RANBP2: variants seen among roughly 807,000 people sequenced by gnomAD.
The protein encoded by RANBP2 is E3 SUMO-protein ligase RanBP2.
Under a neutral mutation model 303.6 loss-of-function variants are expected in RANBP2, and 57 were observed. The ratio of observed to expected loss-of-function variants is 0.19; its 90% CI spans 0.15 to 0.23. The LOEUF (loss-of-function observed/expected upper bound fraction) is 0.23, where lower values mean the gene tolerates loss of function less well. Among genes scored for constraint, RANBP2 ranks in the 10% least tolerant of loss-of-function variants. The pLI, the probability that RANBP2 is intolerant of heterozygous loss-of-function variation, is 1.00. For synonymous variants in RANBP2, 1,167 were observed against 1,301.5 expected, an observed-to-expected ratio of 0.90 and a Z score of 2.23; for missense variants, 3,138 against 3,780.8, an observed-to-expected ratio of 0.83 and a Z score of 4.46.
the RANBP2 span, among the ~76,000 whole-genome samples, chr2:108,955,998 C>T: frequency 6.6e-6 from 1 of 152,090 alleles, no homozygotes; most frequent in Non-Finnish European, 1.5e-5. Flanking sequence ...CACTGTACTC[C>T]AGCCTGGGCA....
rs772823187 is a variant in RANBP2 at position 108,755,272 on chromosome 2, A to G, written c.2466+13A>G. On this transcript the variant is annotated intron_variant, in intron 17 of 28. Transcript: ENST00000283195. The stretch of plus-strand genomic sequence containing the variant: ...AGAGGCCATTAAGGTAAGTCACTTA[A>G]TTTCTCTAGCTGTACTTTTTATTCC... 2 of 1,611,624 alleles carry G rather than the reference A, an allele frequency of 1.2e-6. No homozygotes were observed. The highest frequency in any genetic ancestry group is 1.7e-6 in the Non-Finnish European group (2 of 1,179,744).
chr2:109,574,683 G>A, the RANBP2 span: 2 of 1,610,064 alleles, frequency 1.2e-6, no homozygotes, highest in Non-Finnish European at 1.7e-6. Context: ...AATCATGGTA[G>A]GTAAAGAGAG....
chr2:109,666,001 C>T, the RANBP2 span, among the ~76,000 whole-genome samples: 2 of 151,934 alleles, frequency 1.3e-5, no homozygotes, highest in Admixed American at 1.3e-4. Flanking sequence ...ATCCCAGCTA[C>T]TCAGGAGGCT....
chr2:108,898,198 G>A, the RANBP2 span, among the ~76,000 whole-genome samples: 34 of 152,270 alleles, frequency 2.2e-4, 1 homozygote, highest in Middle Eastern at 3.4e-3. Context: ...GGGGAGCCTA[G>A]AATTCCACCC....
chr2:109,173,367 G>C, the RANBP2 span, among the ~76,000 whole-genome samples: 1 of 152,166 alleles, frequency 6.6e-6, no homozygotes, highest in African/African-American at 2.4e-5. Flanking sequence ...CCCTGCCTGG[G>C]TTGTCTATCG....
the RANBP2 span, among the ~76,000 whole-genome samples, chr2:108,822,350 A>T: frequency 3.3e-5 from 5 of 152,344 alleles, no homozygotes; most frequent in East Asian, 9.6e-4. Flanking sequence ...ACATAATACT[A>T]CTAGGAAACT....
the RANBP2 span, among the ~76,000 whole-genome samples, chr2:109,521,947 C>T: frequency 5.3e-5 from 8 of 152,198 alleles, no homozygotes; most frequent in African/African-American, 1.7e-4. Context: ...CCGCCCTGCC[C>T]GCTGATCAGC....
At chr2:108,814,741 C>T in the RANBP2 span, among the ~76,000 whole-genome samples, 2 of 150,106 alleles carry the variant, frequency 1.3e-5, no homozygotes, top group Non-Finnish European at 3.0e-5. Context: ...CAACCTTTGC[C>T]TTCTGGGTTC....
At chr2:109,031,662 G>C in the RANBP2 span, among the ~76,000 whole-genome samples, 1 of 152,154 alleles carries the variant, frequency 6.6e-6, no homozygotes, top group Non-Finnish European at 1.5e-5. Flanking sequence ...CTGGAGGAAC[G>C]GAGAGCGCCG....
At chr2:109,388,332 T>C in the RANBP2 span, among the ~76,000 whole-genome samples, 1 of 152,202 alleles carries the variant, frequency 6.6e-6, no homozygotes, top group African/African-American at 2.4e-5. Context: ...TTTGTGAACA[T>C]GGAACACATC....
chr2:109,051,497 C>T, the RANBP2 span, among the ~76,000 whole-genome samples: 5 of 152,252 alleles, frequency 3.3e-5, no homozygotes, highest in Admixed American at 6.5e-5. Flanking sequence ...TAGAGTCGTC[C>T]GCAATGTGCA....
At chr2:108,819,464 G>T in the RANBP2 span, among the ~76,000 whole-genome samples, 1 of 152,202 alleles carries the variant, frequency 6.6e-6, no homozygotes, top group Non-Finnish European at 1.5e-5. Flanking sequence ...TTTGGAAGCT[G>T]CAGGAAACAG....
At chr2:108,725,970 G>A (rs1558870487) in intron 1 of RANBP2, among the ~76,000 whole-genome samples, 2 of 151,996 alleles carry the variant, frequency 1.3e-5, no homozygotes, top group South Asian at 2.1e-4. Context: ...TTTTAGATGC[G>A]ATTGTAAATG....
chr2:109,453,521 C>A, the RANBP2 span, among the ~76,000 whole-genome samples: 3 of 152,168 alleles, frequency 2.0e-5, no homozygotes, highest in African/African-American at 7.2e-5. Flanking sequence ...GGGAGAGTCA[C>A]CCAGAAGAGA....
chr2:109,348,467 G>A, the RANBP2 span, among the ~76,000 whole-genome samples: 1 of 152,206 alleles, frequency 6.6e-6, no homozygotes, highest in Admixed American at 6.5e-5. Flanking sequence ...GGATCCCTGT[G>A]AAGCAAACAT....
At chr2:109,335,779 A>G in the RANBP2 span, among the ~76,000 whole-genome samples, 2 of 152,264 alleles carry the variant, frequency 1.3e-5, no homozygotes, top group Non-Finnish European at 2.9e-5. Context: ...GACTAACTGC[A>G]TAAATGTCCT....
intron 6 of RANBP2, among the ~76,000 whole-genome samples, chr2:108,737,484 G>A (rs1476071613): frequency 4.7e-5 from 7 of 150,196 alleles, no homozygotes; most frequent in Admixed American, 1.3e-4. Context: ...GACTACAGGC[G>A]CACACCACCA....
At chr2:109,319,689 G>GATC in the RANBP2 span, among the ~76,000 whole-genome samples, 7 of 152,218 alleles carry the variant, frequency 4.6e-5, no homozygotes, top group African/African-American at 1.7e-4. Flanking sequence ...GTGCGATCTT[G>GATC]AAGAGTGCCG....
chr2:109,334,168 T>C, the RANBP2 span, among the ~76,000 whole-genome samples: 1 of 152,112 alleles, frequency 6.6e-6, no homozygotes, highest in East Asian at 1.9e-4. Context: ...GCCTGGGCTG[T>C]AACATGGTGA....
Sources: gnomAD v4.1 joint callset for allele counts (sites outside exome capture counted in the v4.1 genomes callset) on GRCh38, gnomAD v4.1.1 for gene constraint, MANE v1.5 for transcripts, NCBI Gene and HGNC (gene_info 2026-07-23, HGNC 2026-07-21) for gene names.